PTPRD: variants seen among roughly 807,000 people sequenced by gnomAD.
PTPRD encodes protein tyrosine phosphatase receptor type D.
Under a neutral mutation model 214.5 loss-of-function variants are expected in PTPRD, and 34 were observed. The observed-to-expected ratio is 0.16, with a 90% confidence interval of 0.12 to 0.21. PTPRD has a LOEUF of 0.21. Among genes scored for constraint, PTPRD ranks in the 10% least tolerant of loss-of-function variants. The probability of loss-of-function intolerance (pLI) is 1.00; values close to 1 mark genes in which losing one functional copy is unlikely to be tolerated. For missense variants in PTPRD, 2,545 were observed against 2,398.7 expected (o/e 1.06, Z -1.27); for synonymous variants, 1,128 against 845.7 (o/e 1.33, Z -5.79).
intron 12 of PTPRD, among the ~76,000 whole-genome samples, chr9:8,653,955 T>C (rs1447740584): frequency 1.3e-5 from 2 of 152,144 alleles, no homozygotes; most frequent in Admixed American, 1.3e-4. Flanking sequence ...TTCACTCTCT[T>C]CCTCTTTAAC....
chr9:9,630,649 T>C (rs184850770), intron 7 of PTPRD, among the ~76,000 whole-genome samples: 48 of 152,268 alleles, frequency 3.2e-4, no homozygotes, highest in African/African-American at 9.4e-4. Flanking sequence ...GTATGCAAAA[T>C]CCGGGAGGAA....
At chr9:9,162,434 G>A (rs1350394746) in intron 10 of PTPRD, among the ~76,000 whole-genome samples, 2 of 152,026 alleles carry the variant, frequency 1.3e-5, no homozygotes, top group Admixed American at 1.3e-4. Flanking sequence ...GAAAACTTTT[G>A]GACTTCTCAC....
chr9:8,992,016 G>C (rs529003461), intron 11 of PTPRD, among the ~76,000 whole-genome samples: 33 of 152,264 alleles, frequency 2.2e-4, no homozygotes, highest in African/African-American at 7.7e-4. Context: ...AAGAGTTTGA[G>C]AGTGAGAAGG....
chr9:9,500,376 G>T (rs1448413456), intron 8 of PTPRD, among the ~76,000 whole-genome samples: 1 of 152,040 alleles, frequency 6.6e-6, no homozygotes, highest in Non-Finnish European at 1.5e-5. Flanking sequence ...AATGAATTAG[G>T]TTCTACATTT....
chr9:10,479,013 G>A (rs1180596871), intron 2 of PTPRD, among the ~76,000 whole-genome samples: 1 of 152,062 alleles, frequency 6.6e-6, no homozygotes, highest in Non-Finnish European at 1.5e-5. Flanking sequence ...CAAAAACGAT[G>A]AAAACTTTTC....
intron 14 of PTPRD, among the ~76,000 whole-genome samples, chr9:8,530,866 T>A (rs1275320385): frequency 6.6e-6 from 1 of 152,012 alleles, no homozygotes; most frequent in African/African-American, 2.4e-5. Context: ...GATGGACTAT[T>A]AAGGAAAAGC....
intron 2 of PTPRD, among the ~76,000 whole-genome samples, chr9:10,431,434 T>C (rs2098677378): frequency 6.6e-6 from 1 of 152,040 alleles, no homozygotes; most frequent in Non-Finnish European, 1.5e-5. Context: ...AATTGACAAG[T>C]GGGATCTAAT....
intron 5 of PTPRD, among the ~76,000 whole-genome samples, chr9:9,830,654 A>T (rs2054524284): frequency 6.6e-6 from 1 of 151,920 alleles, no homozygotes; most frequent in African/African-American, 2.4e-5. Flanking sequence ...AAGATCATTC[A>T]TAATCTTTGC....
At chr9:9,523,864 C>G (rs116977474) in intron 8 of PTPRD, among the ~76,000 whole-genome samples, 44 of 152,204 alleles carry the variant, frequency 2.9e-4, no homozygotes, top group East Asian at 7.7e-4. Flanking sequence ...GGCCCATTAC[C>G]CCGTGTCCTT....
At chr9:9,993,400 C>A (rs1028741314) in intron 4 of PTPRD, among the ~76,000 whole-genome samples, 2 of 152,094 alleles carry the variant, frequency 1.3e-5, no homozygotes, top group Non-Finnish European at 2.9e-5. Flanking sequence ...CTGGAAACAA[C>A]ACAAACATTC....
rs149097743 is a variant in PTPRD at position 9,831,937 on chromosome 9, G to A, written c.-367-65086C>T. ...GGTTGGCAAAAATGTGGACCCAACCGCGAATCTCATTAAGTGGCATTTCAA... is the reference window on the plus strand; with the variant it reads ...GGTTGGCAAAAATGTGGACCCAACCACGAATCTCATTAAGTGGCATTTCAA... On this transcript the variant is annotated intron_variant, in intron 5 of 45. Transcript: ENST00000381196. Among the ~76,000 whole-genome samples the A allele has an allele frequency of 2.6e-5, 4 of 152,024 alleles. No homozygotes were observed. The East Asian group carries it at 5.8e-4, about 22-fold the overall frequency.
At chr9:9,228,936 C>T (rs2099961281) in intron 9 of PTPRD, among the ~76,000 whole-genome samples, 1 of 151,742 alleles carries the variant, frequency 6.6e-6, no homozygotes, top group South Asian at 2.1e-4. Context: ...ATGTACATTA[C>T]CACAAATGTT....
chr9:9,465,694 G>A (rs1005087292), intron 8 of PTPRD, among the ~76,000 whole-genome samples: 4 of 152,086 alleles, frequency 2.6e-5, no homozygotes, highest in Admixed American at 6.6e-5. Flanking sequence ...TCTAGAAAAG[G>A]CACCAAACAT....
chr9:9,200,001 G>A (rs573083905), intron 9 of PTPRD, among the ~76,000 whole-genome samples: 18 of 152,174 alleles, frequency 1.2e-4, no homozygotes, highest in Non-Finnish European at 1.9e-4. Flanking sequence ...AGTTGTTATT[G>A]GTCCAGTGGT....
chr9:10,068,638 A>G (rs1463513350), intron 3 of PTPRD, among the ~76,000 whole-genome samples: 1 of 151,696 alleles, frequency 6.6e-6, no homozygotes, highest in Non-Finnish European at 1.5e-5. Flanking sequence ...CTAAGTTAAT[A>G]CTTAGAAACT....
At chr9:10,255,088 G>T (rs533934443) in intron 3 of PTPRD, among the ~76,000 whole-genome samples, 7 of 152,196 alleles carry the variant, frequency 4.6e-5, no homozygotes, top group Non-Finnish European at 1.0e-4. Flanking sequence ...TAGCAAGAAT[G>T]TTTAATTTGC....
At chr9:8,649,390 T>C (rs765444833) in intron 12 of PTPRD, among the ~76,000 whole-genome samples, 3 of 152,220 alleles carry the variant, frequency 2.0e-5, no homozygotes, top group African/African-American at 4.8e-5. Context: ...GATAGATCCA[T>C]CTTACAGGAT....
chr9:9,740,626 A>T (rs2098386701), intron 6 of PTPRD, among the ~76,000 whole-genome samples: 1 of 152,066 alleles, frequency 6.6e-6, no homozygotes, highest in Non-Finnish European at 1.5e-5. Flanking sequence ...TCCCTTTCAA[A>T]GTGCTGGGAT....
At chr9:8,373,617 GTGTGTGTGT>G (rs2134564595) in intron 39 of PTPRD, among the ~76,000 whole-genome samples, 1 of 3,850 alleles carries the variant, frequency 2.6e-4, no homozygotes, top group South Asian at 0.015. Context: ...ATGCGGGTGT[GTGTGTGTGT>G]GTGTGTGTGT....
Sources: allele counts gnomAD v4.1 joint callset (sites outside exome capture counted in the v4.1 genomes callset), GRCh38; gene constraint gnomAD v4.1.1; transcripts MANE v1.5; gene names NCBI Gene and HGNC (gene_info 2026-07-23, HGNC 2026-07-21).